The following CAPN14 variants were observed in gnomAD, a reference collection of about 807,000 sequenced individuals.
The protein encoded by CAPN14 is calpain 14.
In CAPN14, 94 loss-of-function variants were observed where a neutral mutation model predicts 101.3. The observed-to-expected ratio is 0.93, with a 90% confidence interval of 0.79 to 1.10. The LOEUF is 1.10. Ranked by LOEUF, CAPN14 falls within the 50% of genes least tolerant of loss-of-function variation. The pLI is 0.00. For synonymous variants in CAPN14, 338 were observed against 317.9 expected, an observed-to-expected ratio of 1.06 and a Z score of -0.67; for missense variants, 837 against 828.4, an observed-to-expected ratio of 1.01 and a Z score of -0.13.
chr2:31,219,566 C>G (rs1682798645), upstream of CAPN14, among the ~76,000 whole-genome samples: 1 of 152,178 alleles, frequency 6.6e-6, no homozygotes, highest in Non-Finnish European at 1.5e-5. Context: ...TGAAGCCTTT[C>G]CCAGAAAGGC....
upstream of CAPN14, among the ~76,000 whole-genome samples, chr2:31,222,357 T>C (rs1682885199): frequency 6.6e-6 from 1 of 152,160 alleles, no homozygotes; most frequent in Non-Finnish European, 1.5e-5. Context: ...ACCTTCACTT[T>C]GACCTGCCCT....
chr2:31,208,240 C>T (rs1192692247), intron 1 of CAPN14, among the ~76,000 whole-genome samples: 2 of 152,128 alleles, frequency 1.3e-5, no homozygotes, highest in African/African-American at 4.8e-5. Context: ...CAGGCTTACC[C>T]CATTTTCTTC....
rs1458557450 is a variant in CAPN14, at chr2:31,205,443, G to C, written c.5C>G (p.Ser2Cys). Reference protein sequence around the residue: MSLWPPFRCRWK... With the variant: MCLWPPFRCRWK... Reference sequence around the variant, plus strand: ...TCTGCATCGGAAAGGTGGCCACAGAGACATGGCAGGTGGTGGGTACAGTCC... The same window carrying C: ...TCTGCATCGGAAAGGTGGCCACAGACACATGGCAGGTGGTGGGTACAGTCC... The change falls in exon 2 of 22, where the codon TCT becomes TGT. Residue 2 changes from serine (S) to cysteine (C), a missense_variant. Physicochemically the swap from Ser to Cys is moderately radical, Grantham distance 112 (BLOSUM62 -1). Transcript: ENST00000403897. 3.2e-6 allele frequency: 5 copies of C among 1,551,520 alleles called. No homozygotes were observed.
At chr2:31,193,525 C>G (rs977834888) in intron 9 of CAPN14, among the ~76,000 whole-genome samples, 1 of 152,164 alleles carries the variant, frequency 6.6e-6, no homozygotes, top group Non-Finnish European at 1.5e-5. Flanking sequence ...CACCCTCTGG[C>G]TGGAAGCAGC....
rs551100633 is a variant in CAPN14, at chr2:31,196,249, G to C, written c.875+1000C>G. 2.0e-5 allele frequency among the ~76,000 whole-genome samples: 3 copies of C among 152,308 alleles called. No homozygotes were observed. The South Asian group carries it at 6.2e-4, about 32-fold the overall frequency. ...AACTTAAGAAGGTTGCCTAAACTAA[G>C]ATCACACAGCTAGAAAGTAACAACA... On this transcript the variant is annotated intron_variant, in intron 8 of 21. Coordinates refer to ENST00000403897, the MANE Select transcript of CAPN14 (RefSeq NM_001145122.2).
intron 1 of CAPN14, among the ~76,000 whole-genome samples, chr2:31,214,693 G>T (rs1244553363): frequency 2.0e-5 from 3 of 152,102 alleles, no homozygotes; most frequent in Non-Finnish European, 2.9e-5. Context: ...GACTTTATGA[G>T]ACACTGCATA....
At chr2:31,186,345 C>A in intron 16 of CAPN14, 83 bp downstream of exon 16, 1 of 950,342 alleles carries the variant, frequency 1.1e-6, no homozygotes, top group East Asian at 2.9e-5. Context: ...TCACACATCC[C>A]ACCAAGGGAA....
intron 2 of CAPN14, among the ~76,000 whole-genome samples, chr2:31,222,778 A>T (rs1259170062): frequency 6.6e-6 from 1 of 152,192 alleles, no homozygotes; most frequent in Admixed American, 6.5e-5. Flanking sequence ...TGGAGTTCAA[A>T]GATGTTACGG....
intron 1 of CAPN14, among the ~76,000 whole-genome samples, chr2:31,233,254 C>T (rs1167576619): frequency 1.3e-5 from 2 of 152,214 alleles, no homozygotes; most frequent in Non-Finnish European, 2.9e-5. Context: ...CTCCCTCACT[C>T]TCTTTCACCT....
chr2:31,192,783 CA>C (rs960649563), intron 10 of CAPN14, among the ~76,000 whole-genome samples: 13 of 152,286 alleles, frequency 8.5e-5, no homozygotes, highest in Admixed American at 3.3e-4. Context: ...TCAGTGTTTT[CA>C]GTGGTCTTGT....
intron 1 of CAPN14, among the ~76,000 whole-genome samples, chr2:31,226,924 C>T (rs973659021): frequency 1.3e-5 from 2 of 152,148 alleles, no homozygotes; most frequent in Non-Finnish European, 2.9e-5. Context: ...TGATAGATAG[C>T]TCAATCAAAG....
At position 31,177,059 on chromosome 2, in the gene CAPN14, T is replaced by C; in HGVS notation, c.1939A>G (p.Ile647Val). The C allele has an allele frequency of 6.4e-7, 1 of 1,551,520 alleles. No homozygotes were observed. The highest frequency in any genetic ancestry group is 8.7e-7 in the Non-Finnish European group (1 of 1,146,860). The change falls in exon 20 of 22, where the codon ATC (isoleucine) becomes GTC (valine). Residue 647 changes from isoleucine to valine, a missense_variant. By Grantham distance (29) the Ile-to-Val change is conservative. Coordinates refer to ENST00000403897, the MANE Select transcript of CAPN14 (RefSeq NM_001145122.2). ...PRLQMDFVSF[I>V]HLMLRVENME... ...TTCTCTACACGCAGCATCAAGTGGA[T>C]GAAACTGACAAAGTCCATCTGGAGG...
intron 2 of CAPN14, among the ~76,000 whole-genome samples, chr2:31,222,825 A>C (rs13386850): frequency 0.21 from 31,338 of 152,108 alleles, 5,184 homozygotes; most frequent in African/African-American, 0.47. Flanking sequence ...TCACAGGTGG[A>C]AATCCTGACC....
At chr2:31,201,841 A>G (rs1446787698) in intron 5 of CAPN14, 21 bp downstream of exon 5, 9 of 1,544,664 alleles carry the variant, frequency 5.8e-6, no homozygotes, top group Non-Finnish European at 7.0e-6. Context: ...GGGAAGGGGG[A>G]TATTTCTGCC....
intron 2 of CAPN14, among the ~76,000 whole-genome samples, chr2:31,224,791 T>C (rs933376586): frequency 2.0e-5 from 3 of 151,968 alleles, no homozygotes; most frequent in African/African-American, 7.2e-5. Flanking sequence ...TAATAAACTA[T>C]AAAATATCTG....
rs181906086 is a variant in CAPN14, at chr2:31,191,964, G to A, written c.1249C>T (p.Leu417Phe). ...PRHRCRKRKP[L>F]LAIGFYLYRM... Reference sequence around the variant, plus strand: ...TACAGGTAGAAGCCAATGGCGAGGAGAGGCTTCCGCTTGCGGCACCTGTGC... The same window carrying A: ...TACAGGTAGAAGCCAATGGCGAGGAAAGGCTTCCGCTTGCGGCACCTGTGC... Residue 417 changes from leucine to phenylalanine, a missense_variant, in exon 11 of 22, where the codon CTC (leucine) becomes TTC (phenylalanine). Transcript: ENST00000403897. The A allele has an allele frequency of 6.2e-3, 9,548 of 1,551,466 alleles. 76 individuals are homozygous for A. The highest frequency in any genetic ancestry group is 5.3e-3 in the Non-Finnish European group (6,090 of 1,146,890).
intron 8 of CAPN14, among the ~76,000 whole-genome samples, chr2:31,195,861 T>C (rs1427629991): frequency 6.6e-6 from 1 of 152,040 alleles, no homozygotes; most frequent in Non-Finnish European, 1.5e-5. Context: ...ACTCTGAAAC[T>C]AAAATTTACA....
At chr2:31,219,186 G>A (rs188074227), upstream of CAPN14, among the ~76,000 whole-genome samples, 20 of 149,702 alleles carry the variant, frequency 1.3e-4, no homozygotes, top group South Asian at 3.7e-3. Flanking sequence ...ATTGTGCTGC[G>A]GATTCACAGA....
intron 17 of CAPN14, among the ~76,000 whole-genome samples, chr2:31,180,363 C>G (rs772855065): frequency 6.6e-6 from 1 of 152,132 alleles, no homozygotes; most frequent in Non-Finnish European, 1.5e-5. Flanking sequence ...ATTCAATATG[C>G]CTCTCAATAG....
Sources: allele counts gnomAD v4.1 joint callset (sites outside exome capture counted in the v4.1 genomes callset), GRCh38; gene constraint gnomAD v4.1.1; transcripts MANE v1.5; gene names NCBI Gene and HGNC (gene_info 2026-07-23, HGNC 2026-07-21).